Variants in ASTN2 observed in about 807,000 individuals in gnomAD.
ASTN2 encodes the protein astrotactin 2, also known as astrotactin-2.
ASTN2 carries 54 observed loss-of-function variants against 139.8 expected under a neutral mutation model. The ratio of observed to expected loss-of-function variants is 0.39; its 90% CI spans 0.31 to 0.48. The LOEUF (loss-of-function observed/expected upper bound fraction) is 0.48, where lower values mean the gene tolerates loss of function less well. Among genes scored for constraint, ASTN2 ranks in the 20% least tolerant of loss-of-function variants. The pLI is 0.95. For missense variants in ASTN2, 1,565 were observed against 1,725.1 expected (o/e 0.91, Z 1.64); for synonymous variants, 756 against 719.5 (o/e 1.05, Z -0.81).
intron 20 of ASTN2, among the ~76,000 whole-genome samples, chr9:116,464,518 T>C (rs904320112): frequency 1.3e-5 from 2 of 152,184 alleles, no homozygotes; most frequent in African/African-American, 4.8e-5. Context: ...ATTCAATATG[T>C]TGGTTATAAT....
intron 10 of ASTN2, among the ~76,000 whole-genome samples, chr9:116,931,364 G>A (rs139616118): frequency 6.6e-5 from 10 of 152,270 alleles, no homozygotes; most frequent in East Asian, 5.8e-4. Context: ...TCACAGGTGC[G>A]AGTCACTGCC....
chr9:116,635,484 T>A (rs1436767123), intron 17 of ASTN2, among the ~76,000 whole-genome samples: 1 of 152,212 alleles, frequency 6.6e-6, no homozygotes, highest in Non-Finnish European at 1.5e-5. Flanking sequence ...TAAATCTATC[T>A]ATATTTATAC....
chr9:116,547,957 C>A (rs942181391), intron 19 of ASTN2, among the ~76,000 whole-genome samples: 2 of 152,130 alleles, frequency 1.3e-5, no homozygotes, highest in East Asian at 3.9e-4. Context: ...ACACTCCCAA[C>A]TCACCCCCAC....
At chr9:116,903,837 G>T (rs949058639) in intron 10 of ASTN2, among the ~76,000 whole-genome samples, 1 of 152,174 alleles carries the variant, frequency 6.6e-6, no homozygotes, top group African/African-American at 2.4e-5. Flanking sequence ...CTCTACATCA[G>T]GCTGATGCCC....
At chr9:116,695,090 C>T (rs961686484) in intron 16 of ASTN2, among the ~76,000 whole-genome samples, 2 of 152,104 alleles carry the variant, frequency 1.3e-5, no homozygotes, top group Admixed American at 6.6e-5. Flanking sequence ...GTCAAGGGAA[C>T]ATTAGTTAAT....
chr9:116,459,201 G>A (rs1052621367), intron 20 of ASTN2, among the ~76,000 whole-genome samples: 9 of 151,958 alleles, frequency 5.9e-5, no homozygotes, highest in African/African-American at 2.2e-4. Context: ...TGGAACACTT[G>A]GGTAGCCTCG....
At chr9:117,084,385 C>T (rs1480886299) in intron 5 of ASTN2, among the ~76,000 whole-genome samples, 2 of 152,140 alleles carry the variant, frequency 1.3e-5, no homozygotes, top group Non-Finnish European at 2.9e-5. Context: ...GCAAGAGTTA[C>T]GGTAAGCAAA....
chr9:116,911,185 G>A (rs1441281033), intron 10 of ASTN2, among the ~76,000 whole-genome samples: 1 of 152,316 alleles, frequency 6.6e-6, no homozygotes, highest in Middle Eastern at 3.4e-3. Flanking sequence ...GATCCTGATG[G>A]CTAAGAGTGC....
At chr9:116,570,553 G>A (rs1284658969) in intron 19 of ASTN2, among the ~76,000 whole-genome samples, 1 of 152,078 alleles carries the variant, frequency 6.6e-6, no homozygotes, top group Non-Finnish European at 1.5e-5. Flanking sequence ...CCGCCACCAT[G>A]CCCGGCTAAT....
chr9:117,234,958 G>A (rs1833001845), intron 2 of ASTN2, among the ~76,000 whole-genome samples: 1 of 152,232 alleles, frequency 6.6e-6, no homozygotes, highest in Non-Finnish European at 1.5e-5. Context: ...ATAAGGCTGG[G>A]CGCAGTGGCT....
intron 19 of ASTN2, among the ~76,000 whole-genome samples, chr9:116,565,971 A>G (rs1316192205): frequency 1.3e-5 from 2 of 152,174 alleles, no homozygotes; most frequent in African/African-American, 4.8e-5. Context: ...CTCATCTTCC[A>G]CATCCAGCAG....
chr9:117,096,412 CTAAAATAGGGA>C (rs1327872492), intron 4 of ASTN2, among the ~76,000 whole-genome samples: 7 of 152,118 alleles, frequency 4.6e-5, no homozygotes, highest in South Asian at 2.1e-4. Flanking sequence ...TTCTGTCTCT[CTAAAATAGGGA>C]TAAAATTATT....
intron 12 of ASTN2, among the ~76,000 whole-genome samples, chr9:116,818,337 C>G (rs1831393042): frequency 6.6e-6 from 1 of 152,206 alleles, no homozygotes; most frequent in African/African-American, 2.4e-5. Context: ...AATAGCATCC[C>G]ACTTCTCTCT....
intron 5 of ASTN2, among the ~76,000 whole-genome samples, chr9:117,074,552 G>T (rs148595761): frequency 6.6e-6 from 1 of 152,294 alleles, no homozygotes; most frequent in East Asian, 1.9e-4. Context: ...AAGATGGAAT[G>T]GAAGTAAAGG....
chr9:116,616,138 A>T (rs970170172), intron 19 of ASTN2, among the ~76,000 whole-genome samples: 2 of 152,230 alleles, frequency 1.3e-5, no homozygotes, highest in African/African-American at 4.8e-5. Flanking sequence ...CTGTATGCAG[A>T]TGACATGATC....
chr9:116,520,892 C>G (rs1287798878), intron 19 of ASTN2, among the ~76,000 whole-genome samples: 1 of 151,962 alleles, frequency 6.6e-6, no homozygotes, highest in East Asian at 1.9e-4. Flanking sequence ...GAACTCAATC[C>G]CTTTCACAAT....
intron 5 of ASTN2, among the ~76,000 whole-genome samples, chr9:117,067,562 A>C (rs888902734): frequency 6.2e-5 from 9 of 144,092 alleles, no homozygotes; most frequent in African/African-American, 2.1e-4. Context: ...TGGTAGCTTG[A>C]TGGGGATGGC....
intron 10 of ASTN2, among the ~76,000 whole-genome samples, chr9:116,900,852 A>G (rs1204266037): frequency 6.6e-6 from 1 of 152,194 alleles, no homozygotes; most frequent in Non-Finnish European, 1.5e-5. Flanking sequence ...TTGTAAAGCA[A>G]TAAGGAGACT....
At chr9:117,078,899 C>T (rs945909098) in intron 5 of ASTN2, among the ~76,000 whole-genome samples, 2 of 152,120 alleles carry the variant, frequency 1.3e-5, no homozygotes, top group Non-Finnish European at 2.9e-5. Flanking sequence ...CCATGCCCTG[C>T]TAATTTTTGT....
Sources: gnomAD v4.1 joint callset for allele counts (sites outside exome capture counted in the v4.1 genomes callset) on GRCh38, gnomAD v4.1.1 for gene constraint, MANE v1.5 for transcripts, NCBI Gene and HGNC (gene_info 2026-07-23, HGNC 2026-07-21) for gene names.